VPS54: variants seen among roughly 807,000 people sequenced by gnomAD.
The protein encoded by VPS54 is VPS54 subunit of GARP complex.
A neutral mutation model predicts 121.5 loss-of-function variants in VPS54; 45 were observed. That is an observed-to-expected ratio of 0.37 (90% CI 0.29 to 0.47). VPS54 has a LOEUF of 0.47. VPS54 is among the 20% of genes least tolerant of loss of function. The pLI, the probability that VPS54 is intolerant of heterozygous loss-of-function variation, is 0.99. For synonymous variants in VPS54, 371 were observed against 385.8 expected, an observed-to-expected ratio of 0.96 and a Z score of 0.45; for missense variants, 1,090 against 1,131.4, an observed-to-expected ratio of 0.96 and a Z score of 0.52.
chr2:63,907,000 A>G (rs561307550), intron 20 of VPS54, among the ~76,000 whole-genome samples: 1 of 152,232 alleles, frequency 6.6e-6, no homozygotes, highest in Non-Finnish European at 1.5e-5. Context: ...AACAGAATAT[A>G]ATCTCAAAAC....
At chr2:63,938,534 G>C (rs984707801) in intron 11 of VPS54, among the ~76,000 whole-genome samples, 4 of 151,298 alleles carry the variant, frequency 2.6e-5, no homozygotes, top group Middle Eastern at 3.3e-3. Context: ...GCACAATCTT[G>C]GCTCACTGCA....
chr2:63,923,950 A>G (rs1265903866), intron 12 of VPS54, among the ~76,000 whole-genome samples: 1 of 152,240 alleles, frequency 6.6e-6, no homozygotes, highest in African/African-American at 2.4e-5. Context: ...AGACTCACAC[A>G]TATAAGTATA....
At chr2:63,957,233 G>A (rs2104548833) in intron 7 of VPS54, among the ~76,000 whole-genome samples, 1 of 152,156 alleles carries the variant, frequency 6.6e-6, no homozygotes, top group East Asian at 1.9e-4. Flanking sequence ...ACGAGGTCAG[G>A]AGATCGAGGC....
In VPS54 at chr2:63,893,494, TGAA is replaced by T; in HGVS notation, c.2867_2869del (p.Leu956del). 1 of 1,614,102 alleles carries T rather than the reference TGAA, an allele frequency of 6.2e-7. No individual in the cohort carries two copies. Among genetic ancestry groups the T allele is most frequent in the Non-Finnish European group, 8.5e-7 (1 of 1,179,984 alleles). ...CAAATCTTTAAGGCCTTTTAAGGCT[TGAA>T]GATTTCCAGTGTAAAAAGCTACATC... On this transcript the variant is annotated inframe_deletion, in exon 23 of 23. Coordinates refer to ENST00000272322, the MANE Select transcript of VPS54 (RefSeq NM_016516.3).
At chr2:63,897,452 C>A in intron 22 of VPS54, 44 bp downstream of exon 22, 1 of 1,316,586 alleles carries the variant, frequency 7.6e-7, no homozygotes, top group South Asian at 1.3e-5. Flanking sequence ...ATCATTAAAA[C>A]AATTCGATAT....
intron 1 of VPS54, among the ~76,000 whole-genome samples, chr2:63,989,516 G>A (rs187171869): frequency 2.8e-4 from 43 of 152,204 alleles, no homozygotes; most frequent in Non-Finnish European, 4.3e-4. Context: ...AAGAACCCAC[G>A]TTGAAATATC....
At chr2:63,922,641 AAG>A (rs1371173245) in intron 12 of VPS54, among the ~76,000 whole-genome samples, 1 of 152,214 alleles carries the variant, frequency 6.6e-6, no homozygotes, top group Middle Eastern at 3.2e-3. Flanking sequence ...TTAGAATATT[AAG>A]AGAGTAGAAC....
intron 20 of VPS54, among the ~76,000 whole-genome samples, chr2:63,904,254 C>A (rs1280461542): frequency 1.3e-5 from 2 of 151,848 alleles, no homozygotes; most frequent in Non-Finnish European, 2.9e-5. Flanking sequence ...GCCTGGCCAA[C>A]ATGGTGAAAC....
intron 11 of VPS54, among the ~76,000 whole-genome samples, chr2:63,940,662 A>G (rs1172883557): frequency 3.3e-5 from 5 of 152,198 alleles, no homozygotes; most frequent in Non-Finnish European, 7.3e-5. Flanking sequence ...GCTTTGGTAT[A>G]AGTTGTTTCA....
At chr2:64,017,240 G>C (rs957163592) in intron 1 of VPS54, among the ~76,000 whole-genome samples, 6 of 151,514 alleles carry the variant, frequency 4.0e-5, no homozygotes, top group African/African-American at 1.5e-4. Context: ...AGGAGACTGA[G>C]GCAGAAGAAT....
At chr2:64,009,575 C>G (rs918102623) in intron 1 of VPS54, among the ~76,000 whole-genome samples, 5 of 152,166 alleles carry the variant, frequency 3.3e-5, no homozygotes, top group Admixed American at 3.3e-4. Context: ...CTCAGCCTCC[C>G]AAAGTGCTGG....
At chr2:63,961,968 G>C in intron 7 of VPS54, 90 bp downstream of exon 7, 1 of 1,303,138 alleles carries the variant, frequency 7.7e-7, no homozygotes. Context: ...ATTTAACTTT[G>C]AATATATTCA....
In VPS54 at chr2:63,912,347, T is replaced by C. The variant is rs1406662628; in HGVS notation, c.2623A>G (p.Lys875Glu). The part of the protein sequence containing the change: ...MDSLFDKLLS[K>E]YEVKAPVPSA... ...TAATAATTTCTATAAATCATTACCT[T>C]AGATAACAGCTTGTCAAATAAGCTA... The change falls in exon 20 of 23, where the codon AAG (lysine) becomes GAG (glutamate). Residue 875 changes from lysine to glutamate, a missense_variant and splice_region_variant. By Grantham distance (56) the Lys-to-Glu change is moderately conservative (BLOSUM62 1). This residue lies in a region of VPS54 where 289 missense variants were observed against 374.4 expected (regional missense o/e 0.77). Coordinates refer to ENST00000272322, the MANE Select transcript of VPS54 (RefSeq NM_016516.3). The C allele has an allele frequency of 6.2e-7, 1 of 1,606,188 alleles. No homozygotes were observed. Among genetic ancestry groups the C allele is most frequent in the South Asian group, 1.1e-5 (1 of 90,156 alleles).
At chr2:63,988,401 A>C (rs1350044554) in intron 1 of VPS54, among the ~76,000 whole-genome samples, 1 of 152,226 alleles carries the variant, frequency 6.6e-6, no homozygotes, top group Non-Finnish European at 1.5e-5. Flanking sequence ...TTGGTTTGCT[A>C]GTATTTTTAT....
At chr2:63,944,685 T>A (rs1184583381) in intron 9 of VPS54, 30 bp from the exon 10 acceptor site, 2 of 1,561,892 alleles carry the variant, frequency 1.3e-6, no homozygotes, top group Non-Finnish European at 1.8e-6. Flanking sequence ...ACAAAAACAA[T>A]TTGATTAATT....
intron 7 of VPS54, among the ~76,000 whole-genome samples, chr2:63,956,419 A>G (rs560309820): frequency 1.3e-5 from 2 of 152,218 alleles, no homozygotes; most frequent in Non-Finnish European, 2.9e-5. Flanking sequence ...ACAAGTAGAA[A>G]ACAAGCTAGC....
intron 1 of VPS54, among the ~76,000 whole-genome samples, chr2:64,018,657 A>G (rs1002890226): frequency 3.3e-5 from 5 of 151,444 alleles, no homozygotes; most frequent in African/African-American, 1.2e-4. Flanking sequence ...TCCCGGAAAG[A>G]TAAGAGAGGG....
intron 20 of VPS54, among the ~76,000 whole-genome samples, chr2:63,911,253 G>T (rs912132862): frequency 5.9e-5 from 9 of 152,120 alleles, no homozygotes; most frequent in African/African-American, 2.2e-4. Flanking sequence ...TCTCTAAACA[G>T]TAATTTTTCT....
intron 20 of VPS54, among the ~76,000 whole-genome samples, chr2:63,902,215 T>C (rs1253146630): frequency 6.6e-6 from 1 of 152,088 alleles, no homozygotes; most frequent in Admixed American, 6.5e-5. Context: ...AGCCTAGCAA[T>C]GAGAGTCTGG....
Sources: gnomAD v4.1 joint callset for allele counts (sites outside exome capture counted in the v4.1 genomes callset) on GRCh38, gnomAD v4.1.1 for gene constraint, gnomAD v4.1.1 regional missense constraint, MANE v1.5 for transcripts, NCBI Gene and HGNC (gene_info 2026-07-23, HGNC 2026-07-21) for gene names.